Variants in ANKEF1 observed in about 807,000 individuals in gnomAD.
ANKEF1 encodes ankyrin repeat and EF-hand domain-containing protein 1.
In ANKEF1, 43 loss-of-function variants were observed where a neutral mutation model predicts 65.1. That is an observed-to-expected ratio of 0.66 (90% CI 0.52 to 0.85). The LOEUF (loss-of-function observed/expected upper bound fraction) is 0.85. Ranked by LOEUF, ANKEF1 falls within the 40% of genes least tolerant of loss-of-function variation. The pLI is 0.00. For synonymous variants in ANKEF1, 316 were observed against 341.5 expected, an observed-to-expected ratio of 0.93 and a Z score of 0.82; for missense variants, 934 against 952.9, an observed-to-expected ratio of 0.98 and a Z score of 0.26.
intron 4 of ANKEF1, 105 bp from the exon 5 acceptor site, chr20:10,044,289 A>C (rs1568512010): frequency 7.8e-7 from 1 of 1,278,166 alleles, no homozygotes. Context: ...TAAACTTGTA[A>C]GTGTAAAGCT....
Position 10,049,622 on chromosome 20 carries a change from T to C in ANKEF1, c.1053T>C (p.Asp351=), listed in dbSNP as rs1351699354. The C allele has an allele frequency of 1.2e-6, 2 of 1,614,066 alleles. No individual in the cohort carries two copies. Among genetic ancestry groups the C allele is most frequent in the South Asian group, 2.2e-5 (2 of 91,080 alleles). The change falls in exon 7 of 11, where the codon GAT becomes GAC. Residue 351 remains aspartate (D), a synonymous_variant. Coordinates refer to ENST00000378392, the MANE Select transcript of ANKEF1 (RefSeq NM_022096.6). ...CCTTTGCGGTTTTAGACAGGGGTGA[T>C]GGAAGCATCAGCAAGAACGACTTCG... ...REAFAVLDRG[D]GSISKNDFVM...
intron 6 of ANKEF1, 96 bp downstream of exon 6, chr20:10,045,793 A>AT: frequency 6.3e-6 from 8 of 1,265,146 alleles, no homozygotes; most frequent in Non-Finnish European, 8.9e-6. Context: ...TCAGTGGCTT[A>AT]TTTTTTTCTA....
chr20:10,055,169 T>G (rs186531700), intron 10 of ANKEF1, among the ~76,000 whole-genome samples: 32 of 152,322 alleles, frequency 2.1e-4, no homozygotes, highest in African/African-American at 7.5e-4. Flanking sequence ...CTAGATGATC[T>G]TCTAATTCCT....
At chr20:10,050,840 G>T (rs1984819321) in intron 7 of ANKEF1, among the ~76,000 whole-genome samples, 1 of 152,138 alleles carries the variant, frequency 6.6e-6, no homozygotes, top group Admixed American at 6.5e-5. Flanking sequence ...TGGAATGGTG[G>T]CTATAATAAC....
chr20:10,043,435 T>A, intron 4 of ANKEF1, 114 bp downstream of exon 4: 2 of 937,222 alleles, frequency 2.1e-6, no homozygotes, highest in Non-Finnish European at 3.2e-6. Flanking sequence ...TTCATTTTGA[T>A]TCAAAATGCT....
Position 10,057,456 on chromosome 20 carries a change from A to G in ANKEF1, c.*1796A>G, listed in dbSNP as rs987059090. On this transcript the variant is annotated 3_prime_UTR_variant, in exon 11 of 11. Coordinates refer to ENST00000378392, the MANE Select transcript of ANKEF1 (RefSeq NM_022096.6). ...TGGAAAAGTTGCAATAATTTGACAA[A>G]GAATTCTTATATGCCCTTTACCCAG... The G allele has an allele frequency of 3.3e-5, 5 of 152,202 alleles. No individual in the cohort carries two copies. The highest frequency in any genetic ancestry group is 7.3e-5 in the Non-Finnish European group (5 of 68,038). The allele number at this position is 152,202 out of a possible 1,614,324, so 9.4% of individuals were successfully genotyped here.
intron 8 of ANKEF1, among the ~76,000 whole-genome samples, chr20:10,052,727 C>G (rs928361403): frequency 6.6e-6 from 1 of 152,008 alleles, no homozygotes; most frequent in African/African-American, 2.4e-5. Flanking sequence ...GAATTTACCT[C>G]CTTACATCAA....
chr20:10,053,786 T>C (rs1257168627), intron 9 of ANKEF1, among the ~76,000 whole-genome samples: 3 of 152,202 alleles, frequency 2.0e-5, no homozygotes, highest in Non-Finnish European at 4.4e-5. Flanking sequence ...ACGGAGCCAT[T>C]GTCTCTAGAA....
At chr20:10,038,702 G>A in intron 3 of ANKEF1, 55 bp downstream of exon 3, 4 of 1,337,870 alleles carry the variant, frequency 3.0e-6, no homozygotes, top group Non-Finnish European at 4.1e-6. Context: ...TAGCCAGAAA[G>A]CAATAACATG....
rs1224743768 is a variant in ANKEF1, at chr20:10,057,501, C to T, written c.*1841C>T. On this transcript the variant is annotated 3_prime_UTR_variant, in exon 11 of 11. Coordinates refer to ENST00000378392, the MANE Select transcript of ANKEF1 (RefSeq NM_022096.6). ...ACCCAGATTACCTAAATGTTAACCA[C>T]TTACCACATTTGCTCTATCTCTTTC... 6.6e-6 allele frequency: 1 copy of T among 152,192 alleles called. No homozygotes were observed. The allele number at this position is 152,192 out of a possible 1,614,324, so 9.4% of individuals were successfully genotyped here.
chr20:10,043,565 T>TA (rs1399082431), intron 4 of ANKEF1, among the ~76,000 whole-genome samples: 5 of 151,234 alleles, frequency 3.3e-5, no homozygotes, highest in Non-Finnish European at 5.9e-5. Context: ...TAGGAAATAG[T>TA]AAAAAAAGGC....
chr20:10,037,995 G>T (rs1261531218), intron 2 of ANKEF1, among the ~76,000 whole-genome samples: 1 of 152,138 alleles, frequency 6.6e-6, no homozygotes, highest in African/African-American at 2.4e-5. Flanking sequence ...TGGTAAAATG[G>T]TAAAGTGTGA....
chr20:10,044,583 CT>C, intron 5 of ANKEF1, 40 bp downstream of exon 5: 1 of 1,603,374 alleles, frequency 6.2e-7, no homozygotes. Context: ...GTTGCTAAAA[CT>C]TTTCTGTCCT....
At chr20:10,044,641 C>T (rs368908693) in intron 5 of ANKEF1, 98 bp downstream of exon 5, 9 of 1,172,900 alleles carry the variant, frequency 7.7e-6, no homozygotes, top group African/African-American at 7.7e-5. Context: ...CTAAGGCAGA[C>T]ATTTTTCTGA....
intron 3 of ANKEF1, among the ~76,000 whole-genome samples, 169 bp from the exon 4 acceptor site, chr20:10,042,953 G>C (rs537245213): frequency 6.6e-6 from 1 of 152,320 alleles, no homozygotes; most frequent in Admixed American, 6.5e-5. Flanking sequence ...CAGGAATTAA[G>C]ATTTTTTGTT....
In ANKEF1 at chr20:10,038,493, C is replaced by T. The variant is rs143765664; in HGVS notation, c.192C>T (p.Val64=). Reference sequence around the variant, plus strand: ...CAGTTTCCAATGATATTGATATGGTCAGCTTTCTCCTTGACCTTGGTGCTC... The same window carrying T: ...CAGTTTCCAATGATATTGATATGGTTAGCTTTCTCCTTGACCTTGGTGCTC... ...LASVSNDIDM[V]SFLLDLGAHP... The change falls in exon 3 of 11, where the codon GTC becomes GTT. Residue 64 remains valine (V), a synonymous_variant. Transcript: ENST00000378392. 6.2e-6 allele frequency: 10 copies of T among 1,614,080 alleles called. No individual in the cohort carries two copies. The highest frequency in any genetic ancestry group is 2.5e-6 in the Non-Finnish European group (3 of 1,180,036).
At chr20:10,048,447 C>T (rs1984646160) in intron 6 of ANKEF1, among the ~76,000 whole-genome samples, 1 of 152,050 alleles carries the variant, frequency 6.6e-6, no homozygotes, top group African/African-American at 2.4e-5. Flanking sequence ...TATTTAAAAA[C>T]ATACAATTGT....
chr20:10,044,492 C>T lies in ANKEF1; in HGVS notation c.645C>T (p.Asp215=), dbSNP rs575117497. The T allele has an allele frequency of 6.2e-7, 1 of 1,614,106 alleles. No homozygotes were observed. The highest frequency in any genetic ancestry group is 1.1e-5 in the South Asian group (1 of 91,066). ...LERGGEVNAF[D]NDRHHAAHFA... ...GAGGAGGTGAAGTGAATGCATTTGA[C>T]AACGACAGGCATCACGCTGCTCATT... Residue 215 remains aspartate, a synonymous_variant, in exon 5 of 11, where the codon GAC becomes GAT. Transcript: ENST00000378392.
In ANKEF1 at chr20:10,045,683, A is replaced by G. The variant is rs1568513023; in HGVS notation, c.806A>G (p.Tyr269Cys). 1.2e-6 allele frequency: 2 copies of G among 1,613,656 alleles called. No individual in the cohort carries two copies. The change falls in exon 6 of 11, where the codon TAT (tyrosine) becomes TGT (cysteine). Residue 269 changes from tyrosine (Y) to cysteine (C), a missense_variant. Physicochemically the swap from Tyr to Cys is radical, Grantham distance 194. Coordinates refer to ENST00000378392, the MANE Select transcript of ANKEF1 (RefSeq NM_022096.6). Reference protein sequence around the residue: ...AMGGFADCCKYIAQRGCDLKW... With the variant: ...AMGGFADCCKCIAQRGCDLKW... ...GGTGGTTTTGCAGACTGCTGTAAATATATAGCTCAGCGAGGTAAAATTGTC... is the reference window on the plus strand; with the variant it reads ...GGTGGTTTTGCAGACTGCTGTAAATGTATAGCTCAGCGAGGTAAAATTGTC...
Sources: gnomAD v4.1 joint callset for allele counts (sites outside exome capture counted in the v4.1 genomes callset) on GRCh38, gnomAD v4.1.1 for gene constraint, MANE v1.5 for transcripts, NCBI Gene and HGNC (gene_info 2026-07-23, HGNC 2026-07-21) for gene names.